FOXP2: variants seen among roughly 807,000 people sequenced by gnomAD.
FOXP2 encodes the protein forkhead box P2.
Under a neutral mutation model 115.8 loss-of-function variants are expected in FOXP2, and 12 were observed. That is an observed-to-expected ratio of 0.10 (90% CI 0.07 to 0.17). The LOEUF is 0.17. Among genes scored for constraint, FOXP2 ranks in the 10% least tolerant of loss-of-function variants. The probability of loss-of-function intolerance (pLI) is 1.00; values close to 1 mark genes in which losing one functional copy is unlikely to be tolerated. For missense variants in FOXP2, 629 were observed against 843.5 expected (o/e 0.75, Z 3.15); for synonymous variants, 328 against 297.7 (o/e 1.10, Z -1.05).
chr7:114,605,454 C>T (rs2129315583), intron 3 of FOXP2, among the ~76,000 whole-genome samples: 1 of 152,200 alleles, frequency 6.6e-6, no homozygotes, highest in East Asian at 1.9e-4. Context: ...AAATAAAGCA[C>T]ATCATTTCTC....
At chr7:114,542,520 T>A (rs1375479429) in intron 3 of FOXP2, among the ~76,000 whole-genome samples, 3 of 152,174 alleles carry the variant, frequency 2.0e-5, no homozygotes, top group African/African-American at 7.2e-5. Flanking sequence ...AGAAATCTCC[T>A]GTTATGACAT....
At chr7:114,096,424 T>C (rs1371793412) in intron 1 of FOXP2, among the ~76,000 whole-genome samples, 1 of 152,210 alleles carries the variant, frequency 6.6e-6, no homozygotes, top group African/African-American at 2.4e-5. Flanking sequence ...AAGTTGCCCT[T>C]TTATCCCTTC....
chr7:114,546,029 A>T (rs1159524471), intron 3 of FOXP2, among the ~76,000 whole-genome samples: 1 of 152,040 alleles, frequency 6.6e-6, no homozygotes, highest in East Asian at 1.9e-4. Flanking sequence ...TCATCTTCAC[A>T]TTTCCACTAT....
rs869136743 is a variant in FOXP2 at position 114,642,812 on chromosome 7, A to AT, written c.989+204dup. ...TATATATATATATATATATATATAT[A>AT]TTTTTTTTTTTTTTTAGGCAGAGTC... On this transcript the variant is annotated intron_variant, in intron 7 of 16. Coordinates refer to ENST00000350908, the MANE Select transcript of FOXP2 (RefSeq NM_014491.4). 2.3e-3 allele frequency among the ~76,000 whole-genome samples: 167 copies of AT among 72,410 alleles called. 2 individuals carry two copies. Among genetic ancestry groups the AT allele is most frequent in the African/African-American group, 7.3e-3 (102 of 14,002 alleles). The allele number at this position is 72,410 out of a possible 152,430, so 47.5% of individuals were successfully genotyped here.
At position 114,691,930 on chromosome 7, in the gene FOXP2, A is replaced by C. The variant is rs776675702; in HGVS notation, c.*2004A>C. On this transcript the variant is annotated 3_prime_UTR_variant, in exon 17 of 17. Coordinates refer to ENST00000350908, the MANE Select transcript of FOXP2 (RefSeq NM_014491.4). ...GCTTTCTGAAAGCTTCTACCTCTGC[A>C]AAAAAAAAAAAAGAAAAAAAAAAAA... The C allele has an allele frequency of 1.4e-5, 3 of 221,862 alleles. No homozygotes were observed. The highest frequency in any genetic ancestry group is 8.2e-5 in the South Asian group (2 of 24,370). The allele number at this position is 221,862 out of a possible 1,614,324, so 13.7% of individuals were successfully genotyped here. A position where few individuals can be genotyped will look rare whatever the true frequency, so the allele number is the denominator to read the frequency against.
At chr7:114,088,906 C>G (rs553290034) in intron 1 of FOXP2, among the ~76,000 whole-genome samples, 24 of 152,132 alleles carry the variant, frequency 1.6e-4, no homozygotes, top group Non-Finnish European at 3.4e-4. Flanking sequence ...TAGGGTCATA[C>G]AATTTCATAT....
At chr7:114,127,617 A>G (rs79653448) in intron 1 of FOXP2, among the ~76,000 whole-genome samples, 181 of 152,330 alleles carry the variant, frequency 1.2e-3, no homozygotes, top group African/African-American at 4.3e-3. Context: ...TAGATTGATG[A>G]AGTAGAAGAG....
Position 114,414,833 on chromosome 7 carries a change from C to T in FOXP2, c.-538C>T, listed in dbSNP as rs1220232660. On this transcript the variant is annotated 5_prime_UTR_variant, in exon 1 of 17. The change creates a premature stop within an existing upstream ORF in the 5' untranslated region. Coordinates refer to ENST00000350908, the MANE Select transcript of FOXP2 (RefSeq NM_014491.4). ...ATTTATCACAGACATGAAAGCTAACCGAGGACTTGAGAGACTCAAACTGGT... is the reference window on the plus strand; with the variant it reads ...ATTTATCACAGACATGAAAGCTAACTGAGGACTTGAGAGACTCAAACTGGT... The T allele has an allele frequency of 2.4e-5, 8 of 327,510 alleles. No individual in the cohort carries two copies. Among genetic ancestry groups the T allele is most frequent in the East Asian group, 1.6e-4 (2 of 12,886 alleles). 20.3% of individuals were successfully genotyped at this position (327,510 alleles called of 1,614,324 possible). A position where few individuals can be genotyped will look rare whatever the true frequency, so the allele number is the denominator to read the frequency against.
intron 1 of FOXP2, among the ~76,000 whole-genome samples, chr7:114,190,132 G>GA (rs1361857448): frequency 6.6e-6 from 1 of 152,146 alleles, no homozygotes; most frequent in African/African-American, 2.4e-5. Context: ...CTCACTGAAT[G>GA]AAACTAAGTT....
At chr7:114,302,003 A>G (rs1562861629) in intron 2 of FOXP2, among the ~76,000 whole-genome samples, 1 of 152,194 alleles carries the variant, frequency 6.6e-6, no homozygotes, top group Non-Finnish European at 1.5e-5. Flanking sequence ...TAAAAAGCAG[A>G]AATGATTAAA....
chr7:114,625,229 A>G (rs927743719), intron 3 of FOXP2, among the ~76,000 whole-genome samples: 4 of 151,704 alleles, frequency 2.6e-5, no homozygotes, highest in African/African-American at 9.7e-5. Context: ...ATTTTAACTG[A>G]TAAATACCCA....
At chr7:114,426,367 T>C in intron 1 of FOXP2, 135 bp from the exon 2 acceptor site, 1 of 766,196 alleles carries the variant, frequency 1.3e-6, no homozygotes, top group Non-Finnish European at 2.2e-6. Flanking sequence ...CTTTCCTTGG[T>C]AAATGACTAT....
At chr7:114,398,278 A>G (rs1480442439) in intron 2 of FOXP2, among the ~76,000 whole-genome samples, 2 of 152,134 alleles carry the variant, frequency 1.3e-5, no homozygotes, top group Non-Finnish European at 2.9e-5. Flanking sequence ...ATATAACCAA[A>G]ATTATGCAAG....
chr7:114,262,041 A>T (rs1487037435), intron 1 of FOXP2, among the ~76,000 whole-genome samples: 1 of 151,960 alleles, frequency 6.6e-6, no homozygotes, highest in Non-Finnish European at 1.5e-5. Context: ...CTGGGTGATA[A>T]GAGCGAGACT....
rs542729389 is a variant in FOXP2, at chr7:114,310,389, C to A, written c.-11+22280C>A. 3.3e-5 allele frequency among the ~76,000 whole-genome samples: 5 copies of A among 152,298 alleles called. No homozygotes were observed. The East Asian group carries it at 9.7e-4, about 29-fold the overall frequency. ...ACTACAGAAGCCTATCAAGGCCCTT[C>A]CTAGCTTAATAGTCATCATGTCCAA... is the stretch of plus-strand genomic sequence containing the variant. On this transcript the variant is annotated intron_variant, in intron 2 of 17. Transcript: ENST00000634411.
chr7:114,459,990 G>T (rs1382985021), intron 2 of FOXP2, among the ~76,000 whole-genome samples: 1 of 151,982 alleles, frequency 6.6e-6, no homozygotes, highest in Non-Finnish European at 1.5e-5. Flanking sequence ...TCATGCCCAA[G>T]TTTTTTTTAG....
At chr7:114,373,632 A>G (rs1329747120) in intron 2 of FOXP2, among the ~76,000 whole-genome samples, 1 of 152,210 alleles carries the variant, frequency 6.6e-6, no homozygotes, top group Non-Finnish European at 1.5e-5. Context: ...TCCAATCAAT[A>G]TCAACCTTTC....
chr7:114,580,804 G>A (rs17137135), intron 3 of FOXP2, among the ~76,000 whole-genome samples: 25,389 of 151,970 alleles, frequency 0.17, 2,478 homozygotes, highest in African/African-American at 0.26. Flanking sequence ...AGTGACAATC[G>A]GTTTTGTTTG....
chr7:114,438,996 G>A (rs1016857766), intron 2 of FOXP2, among the ~76,000 whole-genome samples: 1 of 152,080 alleles, frequency 6.6e-6, no homozygotes, highest in Admixed American at 6.6e-5. Context: ...AGTTGAAGAA[G>A]TCTAATGTAT....
Sources: gnomAD v4.1 joint callset for allele counts (sites outside exome capture counted in the v4.1 genomes callset) on GRCh38, gnomAD v4.1.1 for gene constraint, MANE v1.5 for transcripts, NCBI Gene and HGNC (gene_info 2026-07-23, HGNC 2026-07-21) for gene names.